The following EPS8 variants were observed in gnomAD, a reference collection of about 807,000 sequenced individuals.
EPS8 encodes EGFR pathway substrate 8, signaling adaptor, also known as epidermal growth factor receptor kinase substrate 8.
Under a neutral mutation model 103.8 loss-of-function variants are expected in EPS8, and 42 were observed. The observed-to-expected ratio is 0.40, with a 90% CI of 0.32 to 0.52. EPS8 has a LOEUF of 0.52. Among genes scored for constraint, EPS8 ranks in the 20% least tolerant of loss-of-function variants. EPS8 has a pLI of 0.40. For synonymous variants in EPS8, 344 were observed against 344.6 expected, an observed-to-expected ratio of 1.00 and a Z score of 0.02; for missense variants, 969 against 1,005.1, an observed-to-expected ratio of 0.96 and a Z score of 0.49.
At chr12:15,648,558 C>T (rs1401657044) in intron 14 of EPS8, among the ~76,000 whole-genome samples, 1 of 152,130 alleles carries the variant, frequency 6.6e-6, no homozygotes, top group Non-Finnish European at 1.5e-5. Flanking sequence ...AATCTGAGCT[C>T]AATTAATTCA....
At chr12:15,766,152 G>A (rs1015853875) in intron 1 of EPS8, among the ~76,000 whole-genome samples, 3 of 151,392 alleles carry the variant, frequency 2.0e-5, no homozygotes, top group African/African-American at 7.3e-5. Flanking sequence ...CTCTTCAGCA[G>A]TTTGTTTTAG....
chr12:15,742,343 A>G (rs922993909), intron 1 of EPS8, among the ~76,000 whole-genome samples: 3 of 152,170 alleles, frequency 2.0e-5, no homozygotes, highest in Non-Finnish European at 2.9e-5. Flanking sequence ...GTGTAAAAGC[A>G]TTCCTGTTTC....
rs367836527 is a variant in EPS8 at position 15,747,806 on chromosome 12, G to A, written c.-22+41355C>T. On this transcript the variant is annotated intron_variant, in intron 1 of 20. Transcript: ENST00000281172. This position sits in a 1 kb window ranked among gnomAD's most constrained non-coding sequence, Gnocchi z 4.4. ...GAGGCCGAGGTGGGCGGATCACGAGGTCAGGAGATCGAGACCATCCTGGCT... is the reference window on the plus strand; with the variant it reads ...GAGGCCGAGGTGGGCGGATCACGAGATCAGGAGATCGAGACCATCCTGGCT... Among the ~76,000 whole-genome samples, 47 of 152,242 alleles carry A rather than the reference G, an allele frequency of 3.1e-4. No homozygotes were observed. Among genetic ancestry groups the A allele is most frequent in the African/African-American group, 1.0e-3 (42 of 41,528 alleles).
At chr12:15,623,117 C>A in intron 20 of EPS8, 41 bp downstream of exon 20, 1 of 1,566,400 alleles carries the variant, frequency 6.4e-7, no homozygotes, top group South Asian at 1.2e-5. Flanking sequence ...CCAGAGCTTT[C>A]AATTTGCAGA....
chr12:15,649,742 A>G (rs990631540), intron 14 of EPS8, among the ~76,000 whole-genome samples: 1 of 152,240 alleles, frequency 6.6e-6, no homozygotes, highest in Non-Finnish European at 1.5e-5. Context: ...AATAGTCCAC[A>G]AAGGGAACAA....
chr12:15,628,284 G>T (rs1002213977), intron 18 of EPS8, among the ~76,000 whole-genome samples: 4 of 152,056 alleles, frequency 2.6e-5, no homozygotes, highest in African/African-American at 9.7e-5. Context: ...TAAAAGATTT[G>T]GTTTCTCATC....
Position 15,690,157 on chromosome 12 carries a change from T to C in EPS8, c.-21-7185A>G, listed in dbSNP as rs1946152234. ...CTGCAGGTGACTCACTGCATTTCCG[T>C]ATAGCTCCTTAAGAGGATCAATCTT... On this transcript the variant is annotated intron_variant, in intron 1 of 20. Transcript: ENST00000281172. The surrounding 1 kb of genome is among the most constrained non-coding windows in gnomAD (Gnocchi z 4.7). Among the ~76,000 whole-genome samples the C allele has an allele frequency of 6.6e-6, 1 of 152,200 alleles. No individual in the cohort carries two copies. The highest frequency in any genetic ancestry group is 1.5e-5 in the Non-Finnish European group (1 of 68,030).
At position 15,740,272 on chromosome 12, in the gene EPS8, A is replaced by T. The variant is rs1311299902; in HGVS notation, c.-22+48889T>A. On this transcript the variant is annotated intron_variant, in intron 1 of 20. Coordinates refer to ENST00000281172, the MANE Select transcript of EPS8 (RefSeq NM_004447.6). Reference sequence around the variant, plus strand: ...CTAAATGGGAAATTCGTAGGCTGGGAGCGGTGGCTCACGCCTGTAATCCCA... The same window carrying T: ...CTAAATGGGAAATTCGTAGGCTGGGTGCGGTGGCTCACGCCTGTAATCCCA... 2.6e-5 allele frequency among the ~76,000 whole-genome samples: 4 copies of T among 152,068 alleles called. No homozygotes were observed. The East Asian group carries it at 7.7e-4, about 29-fold the overall frequency.
chr12:15,657,184 C>T (rs1945522041), intron 12 of EPS8, among the ~76,000 whole-genome samples: 1 of 152,154 alleles, frequency 6.6e-6, no homozygotes, highest in African/African-American at 2.4e-5. Context: ...CTACTTATTC[C>T]AAGAACATGC....
Position 15,711,362 on chromosome 12 carries a change from A to G in EPS8, c.-21-28390T>C, listed in dbSNP as rs1313231410. Among the ~76,000 whole-genome samples the G allele has an allele frequency of 2.0e-5, 3 of 152,190 alleles. No homozygotes were observed. The East Asian group carries it at 5.8e-4, about 29-fold the overall frequency. On this transcript the variant is annotated intron_variant, in intron 1 of 20. Transcript: ENST00000281172. ...TCAGAACTATTTACATAGAAATGAGACTAAGCAGCGTATCTCCTCCATAGT... is the reference window on the plus strand; with the variant it reads ...TCAGAACTATTTACATAGAAATGAGGCTAAGCAGCGTATCTCCTCCATAGT...
At chr12:15,649,119 T>G (rs1172675095) in intron 14 of EPS8, among the ~76,000 whole-genome samples, 1 of 152,202 alleles carries the variant, frequency 6.6e-6, no homozygotes, top group Admixed American at 6.5e-5. Context: ...ACTTCAGCCA[T>G]AAAATGAAAT....
Position 15,728,826 on chromosome 12 carries a change from A to G in EPS8, c.-21-45854T>C, listed in dbSNP as rs1326749462. ...CTTTGGTAGCAAAATATTCAAGCCAATAAAAATGGGCTAAAGGACACTGTT... is the reference window on the plus strand; with the variant it reads ...CTTTGGTAGCAAAATATTCAAGCCAGTAAAAATGGGCTAAAGGACACTGTT... On this transcript the variant is annotated intron_variant, in intron 1 of 20. Coordinates refer to ENST00000281172, the MANE Select transcript of EPS8 (RefSeq NM_004447.6). This position sits in a 1 kb window ranked among gnomAD's most constrained non-coding sequence, Gnocchi z 4.5. Among the ~76,000 whole-genome samples, 3 of 152,228 alleles carry G rather than the reference A, an allele frequency of 2.0e-5. No individual in the cohort carries two copies. Among genetic ancestry groups the G allele is most frequent in the East Asian group, 3.8e-4 (2 of 5,204 alleles).
In EPS8 at chr12:15,748,918, T is replaced by G. The variant is rs1946902507; in HGVS notation, c.-22+40243A>C. 6.6e-6 allele frequency among the ~76,000 whole-genome samples: 1 copy of G among 152,202 alleles called. No individual in the cohort carries two copies. Among genetic ancestry groups the G allele is most frequent in the Admixed American group, 6.5e-5 (1 of 15,284 alleles). On this transcript the variant is annotated intron_variant, in intron 1 of 20. Transcript: ENST00000281172. The surrounding 1 kb of genome is among the most constrained non-coding windows in gnomAD (Gnocchi z 4.8). Reference sequence around the variant, plus strand: ...AATCCAGAATATAAAACGTATAGTCTTCTCTTCCTTTCATACCATAGAACA... The same window carrying G: ...AATCCAGAATATAAAACGTATAGTCGTCTCTTCCTTTCATACCATAGAACA...
At chr12:15,685,441 G>A (rs148039840) in intron 1 of EPS8, among the ~76,000 whole-genome samples, 1 of 152,238 alleles carries the variant, frequency 6.6e-6, no homozygotes, top group Non-Finnish European at 1.5e-5. Context: ...TGCTGATTTT[G>A]ATCTGGTTTG....
In EPS8 at chr12:15,650,994, T is replaced by C; in HGVS notation, c.1263A>G (p.Pro421=). The C allele has an allele frequency of 6.2e-7, 1 of 1,613,710 alleles. No individual in the cohort carries two copies. The highest frequency in any genetic ancestry group is 8.5e-7 in the Non-Finnish European group (1 of 1,179,842). Residue 421 remains proline, a synonymous_variant, in exon 14 of 21, where the codon CCA becomes CCG. Coordinates refer to ENST00000281172, the MANE Select transcript of EPS8 (RefSeq NM_004447.6). ...GTWMKARAEW[P]KEQFIPPYVP... is the part of the protein sequence containing the mutation. ...CATATGGTGGAATAAACTGTTCTTT[T>C]GGCCACTCTGCTCTGCAGGAGGGAA...
Position 15,735,092 on chromosome 12 carries a change from G to A in EPS8, c.-21-52120C>T, listed in dbSNP as rs1185561335. On this transcript the variant is annotated intron_variant, in intron 1 of 20. Transcript: ENST00000281172. This position sits in a 1 kb window ranked among gnomAD's most constrained non-coding sequence, Gnocchi z 4.4. ...TCATGGATAACTGTAGTATTCCCAG[G>A]TACATGCAAATGACAAAGTTTCCAA... is the stretch of plus-strand genomic sequence containing the variant. Among the ~76,000 whole-genome samples, 2 of 152,048 alleles carry A rather than the reference G, an allele frequency of 1.3e-5. No homozygotes were observed. The highest frequency in any genetic ancestry group is 2.9e-5 in the Non-Finnish European group (2 of 68,018).
In EPS8 at chr12:15,721,205, C is replaced by T. The variant is rs1484445319; in HGVS notation, c.-21-38233G>A. On this transcript the variant is annotated intron_variant, in intron 1 of 20. Transcript: ENST00000281172. This position sits in a 1 kb window ranked among gnomAD's most constrained non-coding sequence, Gnocchi z 4.4. ...AGAAAATACTATAACACAAATACCA[C>T]AACAGAGTAACTCAAACTTTTCCCA... Among the ~76,000 whole-genome samples, 1 of 152,170 alleles carries T rather than the reference C, an allele frequency of 6.6e-6. No individual in the cohort carries two copies. Among genetic ancestry groups the T allele is most frequent in the Non-Finnish European group, 1.5e-5 (1 of 68,028 alleles).
chr12:15,637,761 C>T (rs1945161546), intron 17 of EPS8, among the ~76,000 whole-genome samples: 1 of 152,060 alleles, frequency 6.6e-6, no homozygotes, highest in African/African-American at 2.4e-5. Flanking sequence ...GAAGAGAAAA[C>T]AAATGTGTGG....
At position 15,704,193 on chromosome 12, in the gene EPS8, T is replaced by A. The variant is rs918652413; in HGVS notation, c.-21-21221A>T. The stretch of plus-strand genomic sequence containing the variant: ...GGCAGCTCCTCAAAAAAATCAAGCA[T>A]AGAATTACTATATGATCCAGCAGTT... On this transcript the variant is annotated intron_variant, in intron 1 of 20. Transcript: ENST00000281172. This position sits in a 1 kb window ranked among gnomAD's most constrained non-coding sequence, Gnocchi z 4.6. Among the ~76,000 whole-genome samples the A allele has an allele frequency of 6.6e-6, 1 of 152,092 alleles. No homozygotes were observed. The highest frequency in any genetic ancestry group is 1.5e-5 in the Non-Finnish European group (1 of 68,000).
Sources: allele counts gnomAD v4.1 joint callset (sites outside exome capture counted in the v4.1 genomes callset), GRCh38; gene constraint gnomAD v4.1.1; non-coding constraint Gnocchi (gnomAD v3.1); transcripts MANE v1.5; gene names NCBI Gene and HGNC (gene_info 2026-07-23, HGNC 2026-07-21).